RERE: variants seen among roughly 807,000 people sequenced by gnomAD.
The protein encoded by RERE is arginine-glutamic acid dipeptide repeats protein.
RERE carries 40 observed loss-of-function variants against 146.1 expected under a neutral mutation model. The observed-to-expected ratio is 0.27, with a 90% CI of 0.21 to 0.36. The LOEUF is 0.36. Ranked by LOEUF, RERE falls within the 10% of genes least tolerant of loss-of-function variation. The pLI is 1.00. For synonymous variants in RERE, 1,003 were observed against 866.0 expected (o/e 1.16, Z -2.78); for missense variants, 1,933 against 2,138.7 (o/e 0.90, Z 1.90).
At chr1:8,615,615 T>C (rs973715351) in intron 3 of RERE, among the ~76,000 whole-genome samples, 1 of 152,228 alleles carries the variant, frequency 6.6e-6, no homozygotes, top group African/African-American at 2.4e-5. Flanking sequence ...GTCTTACGGT[T>C]GTCTAAAAAT....
chr1:8,387,994 A>C (rs1426098776), intron 12 of RERE, among the ~76,000 whole-genome samples: 1 of 152,228 alleles, frequency 6.6e-6, no homozygotes, highest in Non-Finnish European at 1.5e-5. Context: ...AAAACACTGG[A>C]ACCAACTGAA....
At chr1:8,520,268 C>T (rs1281859519) in intron 7 of RERE, among the ~76,000 whole-genome samples, 1 of 151,876 alleles carries the variant, frequency 6.6e-6, no homozygotes, top group Non-Finnish European at 1.5e-5. Flanking sequence ...GAAATCAAGG[C>T]CTGAGGAAAG....
intron 8 of RERE, 106 bp downstream of exon 8, chr1:8,508,521 C>A: frequency 1.2e-6 from 1 of 851,188 alleles, no homozygotes; most frequent in East Asian, 2.5e-5. Flanking sequence ...ATAAAAAATT[C>A]CCGATAGCAA....
At chr1:8,577,501 C>G (rs1165172583) in intron 4 of RERE, among the ~76,000 whole-genome samples, 1 of 152,148 alleles carries the variant, frequency 6.6e-6, no homozygotes, top group Non-Finnish European at 1.5e-5. Context: ...GGTGACCAAT[C>G]TTTTACACTT....
intron 4 of RERE, among the ~76,000 whole-genome samples, chr1:8,559,666 T>C (rs761487300): frequency 2.0e-5 from 3 of 151,796 alleles, no homozygotes; most frequent in Non-Finnish European, 4.4e-5. Flanking sequence ...TGAGAAAAAA[T>C]GGGAGAGATT....
chr1:8,645,564 T>C (rs1647268357), intron 2 of RERE, among the ~76,000 whole-genome samples: 1 of 152,180 alleles, frequency 6.6e-6, no homozygotes, highest in Non-Finnish European at 1.5e-5. Context: ...TCTTATTATA[T>C]AAAACATGGA....
intron 9 of RERE, among the ~76,000 whole-genome samples, chr1:8,496,324 A>G (rs1213680867): frequency 6.6e-6 from 1 of 151,988 alleles, no homozygotes; most frequent in Non-Finnish European, 1.5e-5. Context: ...AAACAAAATT[A>G]AAAATAGCCG....
rs774672245 is a variant in RERE at position 8,360,729 on chromosome 1, G to A, written c.2778C>T (p.Pro926=). The A allele has an allele frequency of 1.2e-5, 19 of 1,595,360 alleles. No homozygotes were observed. The highest frequency in any genetic ancestry group is 1.7e-5 in the Admixed American group (1 of 57,970). The change falls in exon 18 of 23, where the codon CCC becomes CCT. Residue 926 remains proline, a synonymous_variant. Transcript: ENST00000400908. ...QPLPPAPLAM[P]HIKPPPTTPI... ...GAGTGGTAGGCGGGGGCTTGATGTGGGGCATGGCCAAGGGCGCTGGTGGCA... is the reference window on the plus strand; with the variant it reads ...GAGTGGTAGGCGGGGGCTTGATGTGAGGCATGGCCAAGGGCGCTGGTGGCA...
intron 4 of RERE, among the ~76,000 whole-genome samples, chr1:8,578,232 G>C (rs987504833): frequency 6.6e-6 from 1 of 152,098 alleles, no homozygotes; most frequent in Non-Finnish European, 1.5e-5. Flanking sequence ...ACTCCTCTTT[G>C]ATTACAGATT....
At chr1:8,418,171 G>A (rs748010327) in intron 12 of RERE, among the ~76,000 whole-genome samples, 1 of 152,138 alleles carries the variant, frequency 6.6e-6, no homozygotes, top group Non-Finnish European at 1.5e-5. Flanking sequence ...GTGCTCAGTG[G>A]GCACCCAGAA....
chr1:8,555,717 A>T (rs1435523213), intron 6 of RERE, among the ~76,000 whole-genome samples: 2 of 152,230 alleles, frequency 1.3e-5, no homozygotes, highest in Non-Finnish European at 2.9e-5. Context: ...AGTCAGCCAT[A>T]CACACACAAA....
At chr1:8,505,346 T>C (rs1030354589) in intron 8 of RERE, among the ~76,000 whole-genome samples, 2 of 152,190 alleles carry the variant, frequency 1.3e-5, no homozygotes, top group African/African-American at 4.8e-5. Flanking sequence ...TCCCTTATTT[T>C]TGGAACATCT....
intron 11 of RERE, among the ~76,000 whole-genome samples, chr1:8,451,310 T>C (rs1644387928): frequency 6.6e-6 from 1 of 152,132 alleles, no homozygotes; most frequent in Non-Finnish European, 1.5e-5. Flanking sequence ...CACATGCCTA[T>C]AATCCCAGCT....
chr1:8,705,609 A>G (rs142033359), intron 1 of RERE, among the ~76,000 whole-genome samples: 1 of 152,188 alleles, frequency 6.6e-6, no homozygotes, highest in East Asian at 1.9e-4. Context: ...ATTTTTTTTA[A>G]CACTCATAGC....
intron 7 of RERE, among the ~76,000 whole-genome samples, chr1:8,532,309 T>G (rs1360897131): frequency 6.6e-6 from 1 of 152,068 alleles, no homozygotes; most frequent in African/African-American, 2.4e-5. Context: ...TTTATTAGCT[T>G]CATAAAATGA....
At chr1:8,469,406 C>T (rs1644650386) in intron 10 of RERE, among the ~76,000 whole-genome samples, 1 of 152,164 alleles carries the variant, frequency 6.6e-6, no homozygotes. Context: ...ATCATGAAGT[C>T]AGGTGTTCAA....
intron 12 of RERE, among the ~76,000 whole-genome samples, chr1:8,393,371 G>A (rs1463181894): frequency 6.6e-6 from 1 of 152,146 alleles, no homozygotes; most frequent in African/African-American, 2.4e-5. Flanking sequence ...CCCAAAGCCA[G>A]GAACCATAGC....
At chr1:8,566,272 C>A (rs1646151528) in intron 4 of RERE, among the ~76,000 whole-genome samples, 1 of 152,142 alleles carries the variant, frequency 6.6e-6, no homozygotes, top group South Asian at 2.1e-4. Flanking sequence ...GGCCACACAA[C>A]TCCCATTTCT....
At chr1:8,543,250 A>C (rs1178604648) in intron 6 of RERE, among the ~76,000 whole-genome samples, 3 of 152,220 alleles carry the variant, frequency 2.0e-5, no homozygotes, top group Non-Finnish European at 2.9e-5. Flanking sequence ...CTGGGAAAGA[A>C]AATGCAGGTA....
Sources: gnomAD v4.1 joint callset for allele counts (sites outside exome capture counted in the v4.1 genomes callset) on GRCh38, gnomAD v4.1.1 for gene constraint, MANE v1.5 for transcripts, NCBI Gene and HGNC (gene_info 2026-07-23, HGNC 2026-07-21) for gene names.